RBFOX1: variants seen among roughly 807,000 people sequenced by gnomAD.
RBFOX1 encodes the protein RNA binding fox-1 homolog 1.
RBFOX1 carries 8 observed loss-of-function variants against 57.7 expected under a neutral mutation model. That is an observed-to-expected ratio of 0.14 (90% CI 0.08 to 0.25). The LOEUF (loss-of-function observed/expected upper bound fraction) is 0.25. RBFOX1 is among the 10% of genes least tolerant of loss of function. The pLI is 1.00. For missense variants in RBFOX1, 611 were observed against 548.5 expected, an observed-to-expected ratio of 1.11 and a Z score of -1.14; for synonymous variants, 326 against 222.4, an observed-to-expected ratio of 1.47 and a Z score of -4.15.
chr16:6,330,634 G>A (rs9940152), intron 2 of RBFOX1, among the ~76,000 whole-genome samples: 5,792 of 152,272 alleles, frequency 0.038, 365 homozygotes, highest in African/African-American at 0.13. Flanking sequence ...TGCTAGCCGC[G>A]AGAGACACAG....
At chr16:5,783,536 C>T (rs528833919) in intron 3 of RBFOX1, among the ~76,000 whole-genome samples, 3 of 152,148 alleles carry the variant, frequency 2.0e-5, no homozygotes, top group Admixed American at 6.5e-5. Context: ...CCAGACATCA[C>T]GTCTGTTTTC....
chr16:7,497,790 C>G (rs374119890), intron 4 of RBFOX1, among the ~76,000 whole-genome samples: 6 of 152,342 alleles, frequency 3.9e-5, no homozygotes, highest in South Asian at 4.1e-4. Context: ...CAAGATCTAA[C>G]TCAGAATGTC....
chr16:6,926,898 G>T (rs1267760090), intron 3 of RBFOX1, among the ~76,000 whole-genome samples: 1 of 152,104 alleles, frequency 6.6e-6, no homozygotes, highest in African/African-American at 2.4e-5. Flanking sequence ...TGTCCTAGCA[G>T]GTACTCCCTC....
At chr16:5,518,657 C>A (rs1239470114) in intron 2 of RBFOX1, among the ~76,000 whole-genome samples, 1 of 152,196 alleles carries the variant, frequency 6.6e-6, no homozygotes, top group Non-Finnish European at 1.5e-5. Flanking sequence ...TTAGTGGGTT[C>A]TGGTTCTACC....
At chr16:5,535,488 C>G (rs2044657651) in intron 2 of RBFOX1, among the ~76,000 whole-genome samples, 1 of 152,190 alleles carries the variant, frequency 6.6e-6, no homozygotes, top group South Asian at 2.1e-4. Context: ...AAAGCAGTCC[C>G]CAGTCCCAAG....
chr16:6,070,750 AT>A (rs1251520547), intron 1 of RBFOX1, among the ~76,000 whole-genome samples: 1 of 151,952 alleles, frequency 6.6e-6, no homozygotes, highest in Non-Finnish European at 1.5e-5. Context: ...TAATAAATGT[AT>A]TTTTTGTCCT....
At chr16:5,831,699 G>C (rs1278855532) in intron 3 of RBFOX1, among the ~76,000 whole-genome samples, 1 of 151,932 alleles carries the variant, frequency 6.6e-6, no homozygotes, top group African/African-American at 2.4e-5. Context: ...ATGTTGGAGA[G>C]GCTGGGATTA....
intron 4 of RBFOX1, among the ~76,000 whole-genome samples, chr16:7,457,819 A>G (rs571424510): frequency 1.4e-5 from 2 of 138,264 alleles, no homozygotes; most frequent in African/African-American, 6.7e-5. Flanking sequence ...AAGTTGTCTT[A>G]AAAAAAAAAT....
intron 3 of RBFOX1, among the ~76,000 whole-genome samples, chr16:5,715,237 T>A (rs1339464180): frequency 1.3e-5 from 2 of 152,238 alleles, no homozygotes; most frequent in Admixed American, 1.3e-4. Flanking sequence ...CAGGTCTGCC[T>A]TATTTCGAAA....
intron 3 of RBFOX1, among the ~76,000 whole-genome samples, chr16:5,795,988 G>T (rs868347027): frequency 6.6e-6 from 1 of 152,278 alleles, no homozygotes; most frequent in Middle Eastern, 3.4e-3. Flanking sequence ...AGTACAGTTG[G>T]GTTTTCCCAT....
chr16:6,288,770 C>A (rs1202804209), intron 1 of RBFOX1, among the ~76,000 whole-genome samples: 3 of 152,106 alleles, frequency 2.0e-5, no homozygotes, highest in Non-Finnish European at 2.9e-5. Flanking sequence ...CCTGAATACG[C>A]CTGTATGCCT....
At chr16:5,679,064 C>T (rs1410667649) in intron 3 of RBFOX1, among the ~76,000 whole-genome samples, 1 of 152,176 alleles carries the variant, frequency 6.6e-6, no homozygotes, top group Non-Finnish European at 1.5e-5. Context: ...TTTTATGAAA[C>T]CTGCATCTCA....
intron 4 of RBFOX1, among the ~76,000 whole-genome samples, chr16:7,365,055 CATCT>C (rs1226841587): frequency 1.8e-4 from 28 of 152,206 alleles, no homozygotes; most frequent in East Asian, 5.8e-4. Context: ...GTCTATCAAT[CATCT>C]ATCTATCATT....
chr16:6,759,149 C>CTT (rs55903030), intron 3 of RBFOX1, among the ~76,000 whole-genome samples: 29,383 of 147,068 alleles, frequency 0.2, 2,988 homozygotes, highest in African/African-American at 0.25. Flanking sequence ...CTTATCAATT[C>CTT]TTTTTTTTTT....
intron 3 of RBFOX1, chr16:6,721,662 C>T (rs922315865): frequency 6.6e-6 from 1 of 152,144 alleles, no homozygotes; most frequent in Non-Finnish European, 1.5e-5. Context: ...TTCTAGCTAC[C>T]TCATACATGA....
chr16:5,859,862 C>G (rs191178522), intron 3 of RBFOX1, among the ~76,000 whole-genome samples: 1 of 152,318 alleles, frequency 6.6e-6, no homozygotes, highest in Admixed American at 6.5e-5. Flanking sequence ...GGTCAGGAAT[C>G]TAGGCAGCGC....
At chr16:6,105,200 T>C (rs1053817387) in intron 1 of RBFOX1, among the ~76,000 whole-genome samples, 4 of 152,216 alleles carry the variant, frequency 2.6e-5, no homozygotes, top group Admixed American at 6.5e-5. Context: ...CCTCCATTTT[T>C]AAGTTACTGT....
intron 3 of RBFOX1, among the ~76,000 whole-genome samples, chr16:6,816,290 C>A (rs1239835348): frequency 6.6e-6 from 1 of 152,146 alleles, no homozygotes; most frequent in Non-Finnish European, 1.5e-5. Context: ...ACTTGAGCCA[C>A]AGGGTAAGAC....
At chr16:7,692,639 A>G (rs1019047055) in intron 14 of RBFOX1, among the ~76,000 whole-genome samples, 1 of 152,170 alleles carries the variant, frequency 6.6e-6, no homozygotes, top group African/African-American at 2.4e-5. Context: ...ATTAGAACAC[A>G]TAATATCGTG....
Sources: gnomAD v4.1 joint callset for allele counts (sites outside exome capture counted in the v4.1 genomes callset) on GRCh38, gnomAD v4.1.1 for gene constraint, MANE v1.5 for transcripts, NCBI Gene and HGNC (gene_info 2026-07-23, HGNC 2026-07-21) for gene names.